Variants in SHISAL1 observed in about 807,000 individuals in gnomAD.
The protein encoded by SHISAL1 is shisa like 1.
In SHISAL1, 9 loss-of-function variants were observed where a neutral mutation model predicts 22.6. The observed-to-expected ratio is 0.40, with a 90% CI of 0.24 to 0.70. The LOEUF is 0.70. Among genes scored for constraint, SHISAL1 ranks in the 30% least tolerant of loss-of-function variants. The pLI is 0.39. For synonymous variants in SHISAL1, 119 were observed against 115.4 expected (o/e 1.03, Z -0.20); for missense variants, 246 against 270.6 (o/e 0.91, Z 0.64).
intron 1 of SHISAL1, among the ~76,000 whole-genome samples, chr22:44,304,546 G>A (rs116050759): frequency 0.016 from 2,433 of 152,226 alleles, 67 homozygotes; most frequent in African/African-American, 0.054. Flanking sequence ...CCATCCACCC[G>A]CAGGCCTCTC....
intron 4 of SHISAL1, among the ~76,000 whole-genome samples, chr22:44,264,438 A>C (rs190944096): frequency 3.5e-4 from 54 of 152,280 alleles, no homozygotes; most frequent in African/African-American, 1.2e-3. Flanking sequence ...AATAAATGAC[A>C]GAGAGCAGGT....
the SHISAL1 span, among the ~76,000 whole-genome samples, chr22:44,329,623 G>A: frequency 6.6e-6 from 1 of 152,226 alleles, no homozygotes; most frequent in Non-Finnish European, 1.5e-5. Context: ...CACAAGAGGG[G>A]CCGGGGCTGC....
intron 4 of SHISAL1, among the ~76,000 whole-genome samples, chr22:44,259,215 G>A (rs138287457): frequency 0.058 from 8,862 of 152,136 alleles, 306 homozygotes; most frequent in East Asian, 0.091. Flanking sequence ...AGGCCGAGGC[G>A]GGCGGATCAC....
chr22:44,283,562 T>C (rs754677066), intron 4 of SHISAL1, among the ~76,000 whole-genome samples: 3 of 152,150 alleles, frequency 2.0e-5, no homozygotes, highest in Non-Finnish European at 2.9e-5. Context: ...ACGTAGGAAA[T>C]GGAAGACCTT....
intron 3 of SHISAL1, among the ~76,000 whole-genome samples, chr22:44,290,083 CCA>C (rs1436244166): frequency 2.0e-5 from 3 of 152,338 alleles, no homozygotes; most frequent in African/African-American, 4.8e-5. Flanking sequence ...GCAGCTGCAG[CCA>C]GTGTGGGGAT....
intron 3 of SHISAL1, 34 bp from the exon 4 acceptor site, chr22:44,285,779 A>T (rs756759403): frequency 9.7e-6 from 15 of 1,552,778 alleles, no homozygotes; most frequent in Non-Finnish European, 1.3e-5. Flanking sequence ...GAGCAAGCAG[A>T]GGGGAGCAGT....
intron 2 of SHISAL1, among the ~76,000 whole-genome samples, chr22:44,298,939 G>C (rs1166153675): frequency 6.6e-6 from 1 of 152,230 alleles, no homozygotes; most frequent in East Asian, 1.9e-4. Flanking sequence ...CCTGGGCTGG[G>C]AGCCGGGACA....
chr22:44,321,864 G>A, the SHISAL1 span, among the ~76,000 whole-genome samples: 1 of 152,254 alleles, frequency 6.6e-6, no homozygotes, highest in Non-Finnish European at 1.5e-5. Flanking sequence ...GGAGAGGGCC[G>A]GCCCTTCGGA....
At chr22:44,255,425 C>T (rs1245645232) in intron 4 of SHISAL1, among the ~76,000 whole-genome samples, 4 of 152,216 alleles carry the variant, frequency 2.6e-5, no homozygotes, top group African/African-American at 9.6e-5. Flanking sequence ...GGAAATACAA[C>T]TCCATCCTGC....
intron 3 of SHISAL1, among the ~76,000 whole-genome samples, chr22:44,292,709 G>A (rs185927271): frequency 5.9e-5 from 9 of 152,064 alleles, no homozygotes; most frequent in East Asian, 1.9e-4. Context: ...TCCTCAAGTC[G>A]TCGTCTGCCG....
the SHISAL1 span, among the ~76,000 whole-genome samples, chr22:44,323,428 TG>T: frequency 1.6e-5 from 2 of 126,848 alleles, no homozygotes; most frequent in African/African-American, 3.1e-5. Context: ...CATCCATCCA[TG>T]CATCCATCCA....
chr22:44,325,196 T>C, the SHISAL1 span, among the ~76,000 whole-genome samples: 24 of 151,166 alleles, frequency 1.6e-4, no homozygotes, highest in Admixed American at 3.9e-4. Context: ...TGAGCTGAGA[T>C]TGAGCAACTG....
At position 44,285,475 on chromosome 22, in the gene SHISAL1, T is replaced by A. The variant is rs764757663; in HGVS notation, c.552A>T (p.Gly184=). The change falls in exon 4 of 5, where the codon GGA becomes GGT. Residue 184 remains glycine (G), a synonymous_variant. Transcript: ENST00000381176. ...QAPQAVHTLR[G]DAHSPPLMTF... ...TCATCAGCGGTGGGCTGTGAGCATC[T>A]CCCCGCAATGTGTGCACGGCCTGTG... 1.2e-6 allele frequency: 2 copies of A among 1,613,890 alleles called. No individual in the cohort carries two copies. Among genetic ancestry groups the A allele is most frequent in the African/African-American group, 2.7e-5 (2 of 74,914 alleles).
At chr22:44,297,154 C>A (rs748968644) in intron 2 of SHISAL1, among the ~76,000 whole-genome samples, 15 of 152,206 alleles carry the variant, frequency 9.9e-5, no homozygotes, top group Non-Finnish European at 7.3e-5. Context: ...ATGCAGCAGT[C>A]ACTCAATTAG....
chr22:44,249,580 T>A lies in SHISAL1; in HGVS notation c.*105A>T. Reference sequence around the variant, plus strand: ...GCATTTCCTCCTGTGCCACCGCCGCTACCTCGGCTGTCCCTGGCATCTCTG... The same window carrying A: ...GCATTTCCTCCTGTGCCACCGCCGCAACCTCGGCTGTCCCTGGCATCTCTG... On this transcript the variant is annotated 3_prime_UTR_variant, in exon 5 of 5. Transcript: ENST00000381176. 1.3e-6 allele frequency: 1 copy of A among 741,644 alleles called. No homozygotes were observed. The highest frequency in any genetic ancestry group is 1.9e-5 in the Admixed American group (1 of 52,162). The allele number at this position is 741,644 out of a possible 1,614,324, so 45.9% of individuals were successfully genotyped here. A position where few individuals can be genotyped will look rare whatever the true frequency, so the allele number is the denominator to read the frequency against.
chr22:44,306,435 A>G (rs12157622), intron 1 of SHISAL1, among the ~76,000 whole-genome samples: 1,778 of 119,014 alleles, frequency 0.015, 64 homozygotes, highest in African/African-American at 0.043. Flanking sequence ...ACCTGGGCTC[A>G]GGGGGCTGTG....
chr22:44,292,256 C>T (rs1156570934), intron 3 of SHISAL1, among the ~76,000 whole-genome samples: 2 of 152,174 alleles, frequency 1.3e-5, no homozygotes, highest in East Asian at 1.9e-4. Flanking sequence ...AAGCCCCTTC[C>T]GGGAGTCACA....
At chr22:44,309,586 A>G (rs1341649899) in intron 1 of SHISAL1, among the ~76,000 whole-genome samples, 9 of 151,304 alleles carry the variant, frequency 5.9e-5, no homozygotes, top group African/African-American at 1.9e-4. Context: ...CGGAGAGGGG[A>G]CTCAAACCCC....
chr22:44,304,570 G>A (rs2055457292), intron 1 of SHISAL1, among the ~76,000 whole-genome samples: 1 of 152,168 alleles, frequency 6.6e-6, no homozygotes, highest in African/African-American at 2.4e-5. Flanking sequence ...TCCCACCACT[G>A]CCCTGCTCGT....
Sources: allele counts gnomAD v4.1 joint callset (sites outside exome capture counted in the v4.1 genomes callset), GRCh38; gene constraint gnomAD v4.1.1; transcripts MANE v1.5; gene names NCBI Gene and HGNC (gene_info 2026-07-23, HGNC 2026-07-21).